Variants in RBFOX1 observed in about 807,000 individuals in gnomAD.
RBFOX1 encodes the protein RNA binding fox-1 homolog 1, also known as RNA binding protein fox-1 homolog 1.
In RBFOX1, 8 loss-of-function variants were observed where a neutral mutation model predicts 57.7. That is an observed-to-expected ratio of 0.14 (90% CI 0.08 to 0.25). RBFOX1 has a LOEUF of 0.25. RBFOX1 is among the 10% of genes least tolerant of loss of function. RBFOX1 has a pLI of 1.00. For synonymous variants in RBFOX1, 326 were observed against 222.4 expected (o/e 1.47, Z -4.15); for missense variants, 611 against 548.5 (o/e 1.11, Z -1.14).
chr16:6,457,636 C>A (rs187252536), intron 2 of RBFOX1, among the ~76,000 whole-genome samples: 1 of 152,234 alleles, frequency 6.6e-6, no homozygotes, highest in East Asian at 1.9e-4. Flanking sequence ...ATTAAGGACC[C>A]GTTTTATGAG....
At chr16:7,584,706 C>G (rs954286437) in intron 6 of RBFOX1, among the ~76,000 whole-genome samples, 10 of 152,164 alleles carry the variant, frequency 6.6e-5, no homozygotes, top group African/African-American at 2.4e-4. Context: ...GCGAATGAGT[C>G]GTGTCTATTT....
intron 3 of RBFOX1, among the ~76,000 whole-genome samples, chr16:5,710,338 G>C (rs992920959): frequency 2.6e-5 from 4 of 152,168 alleles, no homozygotes; most frequent in Non-Finnish European, 5.9e-5. Context: ...TGCGCTCTCT[G>C]TTAAATGTAG....
intron 4 of RBFOX1, among the ~76,000 whole-genome samples, chr16:7,302,468 G>T (rs778251734): frequency 1.3e-5 from 2 of 152,080 alleles, no homozygotes; most frequent in Non-Finnish European, 2.9e-5. Flanking sequence ...CTGGTGGCCA[G>T]TTCCAGGGTT....
At chr16:7,503,190 G>T (rs182982142) in intron 4 of RBFOX1, among the ~76,000 whole-genome samples, 1 of 152,140 alleles carries the variant, frequency 6.6e-6, no homozygotes, top group Admixed American at 6.5e-5. Context: ...TCGTTAGTGT[G>T]ACTTAATGCT....
chr16:6,656,123 A>C (rs2098649473), intron 3 of RBFOX1, among the ~76,000 whole-genome samples: 1 of 152,130 alleles, frequency 6.6e-6, no homozygotes, highest in South Asian at 2.1e-4. Flanking sequence ...AGTGAGTTGG[A>C]CAGATGGAAT....
At chr16:6,355,661 T>G (rs1600027648) in intron 2 of RBFOX1, among the ~76,000 whole-genome samples, 1 of 152,306 alleles carries the variant, frequency 6.6e-6, no homozygotes, top group Non-Finnish European at 1.5e-5. Flanking sequence ...ATAATGGGAT[T>G]GCTGGGTCAA....
At chr16:6,997,667 C>T (rs376433762) in intron 3 of RBFOX1, among the ~76,000 whole-genome samples, 4 of 152,164 alleles carry the variant, frequency 2.6e-5, no homozygotes, top group East Asian at 1.9e-4. Flanking sequence ...GGGTATTGTT[C>T]GGTTTCTTGA....
chr16:6,437,937 C>A (rs977701125), intron 2 of RBFOX1, among the ~76,000 whole-genome samples: 3 of 152,130 alleles, frequency 2.0e-5, no homozygotes, highest in Non-Finnish European at 2.9e-5. Flanking sequence ...CAGAGCCAAA[C>A]CATATCAGCA....
Position 7,518,055 on chromosome 16 carries a change from G to A in RBFOX1, c.28-92G>A, listed in dbSNP as rs1245536297. On this transcript the variant is annotated intron_variant, in intron 4 of 15. Transcript: ENST00000550418. ...CATGGTGACCCCTAGAAAGTACGCG[G>A]GGCACGATCGTCCTGGGATCTGGGA... The A allele has an allele frequency of 2.2e-5, 32 of 1,479,950 alleles. No individual in the cohort carries two copies. The Admixed American group carries it at 6.1e-4, about 28-fold the overall frequency. 91.7% of individuals were successfully genotyped at this position (1,479,950 alleles called of 1,614,324 possible). A position where few individuals can be genotyped will look rare whatever the true frequency, so the allele number is the denominator to read the frequency against.
intron 3 of RBFOX1, among the ~76,000 whole-genome samples, chr16:6,935,884 C>T (rs1206462356): frequency 6.6e-6 from 1 of 152,152 alleles, no homozygotes; most frequent in African/African-American, 2.4e-5. Context: ...TGCTAGCCTG[C>T]ACATCGGTTG....
At chr16:6,904,202 T>C (rs1176204412) in intron 3 of RBFOX1, among the ~76,000 whole-genome samples, 1 of 152,196 alleles carries the variant, frequency 6.6e-6, no homozygotes, top group African/African-American at 2.4e-5. Flanking sequence ...TCTTAACACA[T>C]TGCATGCACT....
At chr16:5,469,996 G>A (rs557945865) in intron 2 of RBFOX1, among the ~76,000 whole-genome samples, 3 of 152,260 alleles carry the variant, frequency 2.0e-5, no homozygotes, top group Admixed American at 1.3e-4. Flanking sequence ...CCTGTTTTTG[G>A]TTCTTGTGGG....
chr16:5,254,429 C>T (rs1351746030), intron 1 of RBFOX1, among the ~76,000 whole-genome samples: 1 of 152,162 alleles, frequency 6.6e-6, no homozygotes, highest in Non-Finnish European at 1.5e-5. Context: ...GTTTTTCTGA[C>T]TCGCCTTTAG....
At chr16:5,434,998 C>T (rs1266898767) in intron 1 of RBFOX1, among the ~76,000 whole-genome samples, 1 of 152,202 alleles carries the variant, frequency 6.6e-6, no homozygotes, top group Non-Finnish European at 1.5e-5. Flanking sequence ...TTCCCATTTT[C>T]TCCTGTGACT....
At chr16:5,460,634 A>G (rs1175204729) in intron 1 of RBFOX1, among the ~76,000 whole-genome samples, 2 of 152,200 alleles carry the variant, frequency 1.3e-5, no homozygotes, top group African/African-American at 4.8e-5. Flanking sequence ...CATGCTTTCC[A>G]GTGAAGGGTG....
chr16:7,296,747 G>T (rs1362640900), intron 4 of RBFOX1, among the ~76,000 whole-genome samples: 2 of 152,116 alleles, frequency 1.3e-5, no homozygotes, highest in Non-Finnish European at 1.5e-5. Flanking sequence ...AGGACTCTGG[G>T]CCTTTCTTTC....
chr16:6,538,957 C>T (rs10468317), intron 2 of RBFOX1, among the ~76,000 whole-genome samples: 144,383 of 152,098 alleles, frequency 0.95, 68,987 homozygotes, highest in East Asian at 1. Flanking sequence ...GAGTTGTTGG[C>T]TGGTTTGTTG....
chr16:6,467,009 A>C (rs1424446578), intron 2 of RBFOX1, among the ~76,000 whole-genome samples: 1 of 151,382 alleles, frequency 6.6e-6, no homozygotes, highest in Non-Finnish European at 1.5e-5. Flanking sequence ...CATTTAATGA[A>C]ATATAATAAA....
intron 3 of RBFOX1, among the ~76,000 whole-genome samples, chr16:5,609,245 C>G (rs1261148343): frequency 2.0e-5 from 3 of 152,136 alleles, no homozygotes; most frequent in African/African-American, 7.2e-5. Flanking sequence ...ATTCATTACC[C>G]GAATTGGTAG....
Sources: allele counts gnomAD v4.1 joint callset (sites outside exome capture counted in the v4.1 genomes callset), GRCh38; gene constraint gnomAD v4.1.1; transcripts MANE v1.5; gene names NCBI Gene and HGNC (gene_info 2026-07-23, HGNC 2026-07-21).